Variants in CSMD1 observed in about 807,000 individuals in gnomAD.
CSMD1 encodes CUB and Sushi multiple domains 1, also known as CUB and sushi domain-containing protein 1.
In CSMD1, 213 loss-of-function variants were observed where a neutral mutation model predicts 417.5. The observed-to-expected ratio is 0.51, with a 90% CI of 0.46 to 0.57. The LOEUF (loss-of-function observed/expected upper bound fraction) is 0.57. Among genes scored for constraint, CSMD1 ranks in the 20% least tolerant of loss-of-function variants. CSMD1 has a pLI of 0.00. For synonymous variants in CSMD1, 2,862 were observed against 1,736.8 expected (o/e 1.65, Z -16.11); for missense variants, 6,923 against 4,529.7 (o/e 1.53, Z -15.17).
At chr8:3,756,163 T>C (rs963082754) in intron 5 of CSMD1, among the ~76,000 whole-genome samples, 3 of 151,992 alleles carry the variant, frequency 2.0e-5, no homozygotes, top group Non-Finnish European at 2.9e-5. Flanking sequence ...GAGACCATCA[T>C]GGCAACGGTA....
At chr8:4,901,599 C>T (rs755802274) in intron 1 of CSMD1, among the ~76,000 whole-genome samples, 1 of 152,166 alleles carries the variant, frequency 6.6e-6, no homozygotes, top group African/African-American at 2.4e-5. Flanking sequence ...CCGGACACTT[C>T]TATTAGCCTT....
intron 51 of CSMD1, 84 bp from the exon 52 acceptor site, chr8:3,018,734 A>C: frequency 7.8e-7 from 1 of 1,283,662 alleles, no homozygotes; most frequent in Non-Finnish European, 1.1e-6. Flanking sequence ...AAAACAAACA[A>C]AAAAAACCAA....
At chr8:4,616,192 T>C (rs1016222099) in intron 2 of CSMD1, among the ~76,000 whole-genome samples, 2 of 152,202 alleles carry the variant, frequency 1.3e-5, no homozygotes, top group African/African-American at 4.8e-5. Flanking sequence ...ATACCTAGTT[T>C]TCTTTTTTGA....
In CSMD1 at chr8:4,024,191, C is replaced by A. The variant is rs193251933; in HGVS notation, c.610+7714G>T. Among the ~76,000 whole-genome samples, 5 of 151,840 alleles carry A rather than the reference C, an allele frequency of 3.3e-5. No homozygotes were observed. The East Asian group carries it at 5.8e-4, about 18-fold the overall frequency. On this transcript the variant is annotated intron_variant, in intron 4 of 69. Transcript: ENST00000635120. Reference sequence around the variant, plus strand: ...GTATTATTCCAGTTCATAAATATAACAGATAGTAAGAAGACATGGGAAACA... The same window carrying A: ...GTATTATTCCAGTTCATAAATATAAAAGATAGTAAGAAGACATGGGAAACA...
chr8:4,030,020 G>C (rs1290940171), intron 4 of CSMD1, among the ~76,000 whole-genome samples: 2 of 152,184 alleles, frequency 1.3e-5, no homozygotes, highest in African/African-American at 4.8e-5. Context: ...GATGCAAGAG[G>C]TGAGCTCCAA....
chr8:3,884,648 C>G, intron 5 of CSMD1, among the ~76,000 whole-genome samples: 1 of 152,048 alleles, frequency 6.6e-6, no homozygotes. Flanking sequence ...TTAATGTTGA[C>G]CAATAAATTC....
At chr8:3,672,379 C>A (rs568758684) in intron 7 of CSMD1, among the ~76,000 whole-genome samples, 116 of 152,248 alleles carry the variant, frequency 7.6e-4, no homozygotes, top group African/African-American at 2.7e-3. Flanking sequence ...AGAACCCACT[C>A]TTGCATTCTC....
intron 10 of CSMD1, among the ~76,000 whole-genome samples, chr8:3,517,617 A>G (rs552274519): frequency 6.6e-6 from 1 of 152,350 alleles, no homozygotes; most frequent in South Asian, 2.1e-4. Context: ...AATATTTACT[A>G]TACGATTTTT....
At chr8:4,359,389 C>G (rs1801621082) in intron 3 of CSMD1, among the ~76,000 whole-genome samples, 1 of 152,210 alleles carries the variant, frequency 6.6e-6, no homozygotes, top group South Asian at 2.1e-4. Context: ...GGTTTAAACT[C>G]ACAATAACAT....
chr8:4,139,534 A>C (rs1000914368), intron 3 of CSMD1, among the ~76,000 whole-genome samples: 2 of 150,860 alleles, frequency 1.3e-5, no homozygotes, highest in Admixed American at 6.6e-5. Flanking sequence ...GGGGAGTGGC[A>C]CTCATCCTGC....
At chr8:4,881,335 T>A (rs1039231348) in intron 1 of CSMD1, among the ~76,000 whole-genome samples, 7 of 152,062 alleles carry the variant, frequency 4.6e-5, no homozygotes, top group African/African-American at 9.7e-5. Flanking sequence ...ACATAATAAC[T>A]AATATACTAT....
intron 54 of CSMD1, among the ~76,000 whole-genome samples, chr8:2,984,909 T>G (rs747243626): frequency 1.3e-5 from 2 of 152,224 alleles, no homozygotes; most frequent in Non-Finnish European, 2.9e-5. Context: ...ACACATCACC[T>G]GGACAAGAGG....
chr8:3,324,052 T>C (rs61408962), intron 23 of CSMD1, among the ~76,000 whole-genome samples: 12,799 of 121,584 alleles, frequency 0.11, 873 homozygotes, highest in Non-Finnish European at 0.14. Flanking sequence ...CCTTTCATCA[T>C]TGTTAAAATA....
intron 20 of CSMD1, among the ~76,000 whole-genome samples, chr8:3,366,778 C>G (rs2117755310): frequency 6.6e-6 from 1 of 152,264 alleles, no homozygotes; most frequent in African/African-American, 2.4e-5. Context: ...GTGACATCTA[C>G]AGATTTTTCA....
chr8:4,933,296 C>T (rs1807377750), intron 1 of CSMD1, among the ~76,000 whole-genome samples: 1 of 152,162 alleles, frequency 6.6e-6, no homozygotes, highest in South Asian at 2.1e-4. Flanking sequence ...CAGAGGAGCA[C>T]AACCTGTCCA....
At chr8:3,477,039 G>A (rs114240863) in intron 11 of CSMD1, among the ~76,000 whole-genome samples, 5 of 152,110 alleles carry the variant, frequency 3.3e-5, no homozygotes, top group Non-Finnish European at 7.3e-5. Context: ...TGATTTTGCT[G>A]GTGGTTACAC....
intron 26 of CSMD1, among the ~76,000 whole-genome samples, chr8:3,262,230 T>TATATAC (rs770901446): frequency 2.9e-4 from 28 of 95,668 alleles, no homozygotes; most frequent in Non-Finnish European, 3.9e-4. Flanking sequence ...TATATATATA[T>TATATAC]ACACACACAT....
intron 1 of CSMD1, among the ~76,000 whole-genome samples, chr8:4,658,505 A>T (rs1762964683): frequency 1.3e-5 from 2 of 152,144 alleles, no homozygotes; most frequent in Non-Finnish European, 2.9e-5. Context: ...TATCAAACTC[A>T]CTATTCTACA....
intron 10 of CSMD1, among the ~76,000 whole-genome samples, chr8:3,526,851 C>G (rs1048133772): frequency 1.3e-5 from 2 of 152,136 alleles, no homozygotes; most frequent in African/African-American, 2.4e-5. Context: ...CTTATTTACC[C>G]AATCATCATT....
Sources: gnomAD v4.1 joint callset for allele counts (sites outside exome capture counted in the v4.1 genomes callset) on GRCh38, gnomAD v4.1.1 for gene constraint, MANE v1.5 for transcripts, NCBI Gene and HGNC (gene_info 2026-07-23, HGNC 2026-07-21) for gene names.